Variants in CC2D2A observed in about 807,000 individuals in gnomAD.
CC2D2A encodes coiled-coil and C2 domain containing 2A.
Under a neutral mutation model 212.9 loss-of-function variants are expected in CC2D2A, and 155 were observed. That is an observed-to-expected ratio of 0.73 (90% CI 0.64 to 0.83). CC2D2A has a LOEUF of 0.83. Ranked by LOEUF, CC2D2A falls within the 40% of genes least tolerant of loss-of-function variation. The probability of loss-of-function intolerance (pLI) is 0.00; values close to 1 mark genes in which losing one functional copy is unlikely to be tolerated. For synonymous variants in CC2D2A, 667 were observed against 686.5 expected, an observed-to-expected ratio of 0.97 and a Z score of 0.44; for missense variants, 1,856 against 1,956.2, an observed-to-expected ratio of 0.95 and a Z score of 0.97.
chr4:15,580,371 C>T (rs1720608739), intron 30 of CC2D2A, among the ~76,000 whole-genome samples, 200 bp downstream of exon 30: 1 of 152,202 alleles, frequency 6.6e-6, no homozygotes. Flanking sequence ...CAGGCAGTGG[C>T]TCATGCCTGT....
intron 33 of CC2D2A, among the ~76,000 whole-genome samples, chr4:15,595,682 T>C (rs1721288911): frequency 6.6e-6 from 1 of 152,212 alleles, no homozygotes; most frequent in Non-Finnish European, 1.5e-5. Flanking sequence ...ACACAAGGGC[T>C]ATCTCAGAGA....
Position 15,599,713 on chromosome 4 carries a change from T to C in CC2D2A, c.4674+7T>C, listed in dbSNP as rs1721494972. 1 of 1,591,200 alleles carries C rather than the reference T, an allele frequency of 6.3e-7. No individual in the cohort carries two copies. The highest frequency in any genetic ancestry group is 2.2e-5 in the East Asian group (1 of 44,474). ...ACAGCTGGGAGACTACAGGGTAAGT[T>C]ACAAATGGATCCTAAACTGACTGTG... On this transcript the variant is annotated splice_region_variant and intron_variant, in intron 36 of 36. Coordinates refer to ENST00000424120, the MANE Select transcript of CC2D2A (RefSeq NM_001378615.1).
chr4:15,557,157 G>A, intron 20 of CC2D2A, 147 bp from the exon 21 acceptor site: 2 of 559,090 alleles, frequency 3.6e-6, no homozygotes, highest in Non-Finnish European at 6.4e-6. Flanking sequence ...ATAATAGCAT[G>A]TGACTCATTA....
chr4:15,505,956 A>G (rs1447625309), intron 6 of CC2D2A, among the ~76,000 whole-genome samples: 2 of 152,326 alleles, frequency 1.3e-5, no homozygotes, highest in East Asian at 3.9e-4. Flanking sequence ...TAGAGCTAAT[A>G]TATTTTGTAA....
intron 6 of CC2D2A, among the ~76,000 whole-genome samples, chr4:15,507,488 C>T (rs1017343558): frequency 6.6e-6 from 1 of 152,086 alleles, no homozygotes. Flanking sequence ...AGAAGGCTTG[C>T]GGAGGCCCAC....
At chr4:15,581,238 C>G (rs1053894707) in intron 30 of CC2D2A, among the ~76,000 whole-genome samples, 1 of 152,158 alleles carries the variant, frequency 6.6e-6, no homozygotes, top group Non-Finnish European at 1.5e-5. Flanking sequence ...TTATATTACA[C>G]AATTTTTATA....
chr4:15,481,485 T>G (rs923929931), intron 4 of CC2D2A: 21 of 259,976 alleles, frequency 8.1e-5, no homozygotes, highest in South Asian at 2.8e-4. Context: ...CACTCCAGCC[T>G]AGGCAACAGA....
In CC2D2A at chr4:15,516,724, A is replaced by G. The variant is rs766621518; in HGVS notation, c.1117A>G (p.Ile373Val). 1 of 1,613,258 alleles carries G rather than the reference A, an allele frequency of 6.2e-7. No individual in the cohort carries two copies. The highest frequency in any genetic ancestry group is 8.5e-7 in the Non-Finnish European group (1 of 1,179,478). The change falls in exon 11 of 37, where the codon ATT becomes GTT. Residue 373 changes from isoleucine (I) to valine (V), a missense_variant. By Grantham distance (29) the Ile-to-Val change is conservative. Transcript: ENST00000424120. Reference protein sequence around the residue: ...RPPVLTQEQSIKAELETLYKK... With the variant: ...RPPVLTQEQSVKAELETLYKK... ...GCCAGTACTAACACAGGAGCAGAGCATTAAGGCAGAGCTTGAAACACTGTA... is the reference window on the plus strand; with the variant it reads ...GCCAGTACTAACACAGGAGCAGAGCGTTAAGGCAGAGCTTGAAACACTGTA...
At chr4:15,581,226 T>G (rs1459500803) in intron 30 of CC2D2A, among the ~76,000 whole-genome samples, 1 of 152,220 alleles carries the variant, frequency 6.6e-6, no homozygotes, top group Admixed American at 6.5e-5. Context: ...TTCATTTGCT[T>G]TTTATATTAC....
At chr4:15,593,033 C>T (rs1721179814) in intron 33 of CC2D2A, among the ~76,000 whole-genome samples, 1 of 152,156 alleles carries the variant, frequency 6.6e-6, no homozygotes, top group South Asian at 2.1e-4. Flanking sequence ...CAGGTCATGC[C>T]ATTATTGTTT....
chr4:15,574,081 T>C (rs940430216), intron 28 of CC2D2A, 69 bp from the exon 29 acceptor site: 68 of 1,327,086 alleles, frequency 5.1e-5, no homozygotes, highest in Non-Finnish European at 6.5e-5. Context: ...AATGAGGAGT[T>C]GACACTTGCC....
chr4:15,543,150 C>A (rs556569268), intron 17 of CC2D2A, among the ~76,000 whole-genome samples: 4 of 152,210 alleles, frequency 2.6e-5, no homozygotes, highest in African/African-American at 7.2e-5. Flanking sequence ...ATTTACAAAG[C>A]ACCAAGCATC....
intron 4 of CC2D2A, among the ~76,000 whole-genome samples, chr4:15,493,634 GTTAT>G (rs989660481): frequency 2.6e-5 from 4 of 152,062 alleles, no homozygotes; most frequent in Non-Finnish European, 4.4e-5. Flanking sequence ...CTGATCCTGT[GTTAT>G]TTGTCTCTAC....
chr4:15,574,063 T>C (rs1662248045), intron 28 of CC2D2A, 87 bp from the exon 29 acceptor site: 1 of 1,180,488 alleles, frequency 8.5e-7, no homozygotes, highest in East Asian at 2.6e-5. Context: ...TGGTTCAATT[T>C]ATTAAACAAT....
At chr4:15,520,707 T>C (rs1323661326) in intron 11 of CC2D2A, among the ~76,000 whole-genome samples, 2 of 152,216 alleles carry the variant, frequency 1.3e-5, no homozygotes, top group Non-Finnish European at 2.9e-5. Flanking sequence ...CTATTCCATT[T>C]CTCACGAATT....
At chr4:15,587,784 C>A in intron 31 of CC2D2A, 32 bp from the exon 32 acceptor site, 4 of 1,148,816 alleles carry the variant, frequency 3.5e-6, no homozygotes, top group South Asian at 2.5e-5. Flanking sequence ...AGCATTGAGT[C>A]ATACAACATA....
Position 15,515,869 on chromosome 4 carries a change from C to T in CC2D2A, c.882C>T (p.Val294=), listed in dbSNP as rs1716838310. The change falls in exon 10 of 37, where the codon GTC becomes GTT. Residue 294 remains valine, a splice_region_variant and synonymous_variant. Transcript: ENST00000424120. ...TTTATTTATTTATAAACGATCTAGTCCCTACATATAAAAAGCTTCCTGAGA... is the reference window on the plus strand; with the variant it reads ...TTTATTTATTTATAAACGATCTAGTTCCTACATATAAAAAGCTTCCTGAGA... The part of the protein sequence containing the change: ...EMLFIPSRQT[V]PTYKKLPENV... The T allele has an allele frequency of 1.3e-6, 2 of 1,551,122 alleles. No individual in the cohort carries two copies. Among genetic ancestry groups the T allele is most frequent in the African/African-American group, 1.4e-5 (1 of 72,974 alleles).
intron 30 of CC2D2A, among the ~76,000 whole-genome samples, chr4:15,581,296 A>G (rs1720655075): frequency 2.0e-5 from 3 of 152,388 alleles, no homozygotes; most frequent in African/African-American, 7.2e-5. Context: ...GTAGATGTAC[A>G]GAAAATTTCT....
At chr4:15,496,969 G>T (rs1715653421) in intron 4 of CC2D2A, among the ~76,000 whole-genome samples, 3 of 152,250 alleles carry the variant, frequency 2.0e-5, no homozygotes, top group African/African-American at 7.2e-5. Flanking sequence ...AACCAGTATT[G>T]TTAGGTTGGA....
Sources: allele counts gnomAD v4.1 joint callset (sites outside exome capture counted in the v4.1 genomes callset), GRCh38; gene constraint gnomAD v4.1.1; transcripts MANE v1.5; gene names NCBI Gene and HGNC (gene_info 2026-07-23, HGNC 2026-07-21).